Variants in GMDS observed in about 807,000 individuals in gnomAD.
GMDS encodes GDP-mannose 4,6-dehydratase, also known as GDP-mannose 4,6 dehydratase.
In GMDS, 20 loss-of-function variants were observed where a neutral mutation model predicts 49.9. The observed-to-expected ratio is 0.40, with a 90% CI of 0.28 to 0.58. The LOEUF (loss-of-function observed/expected upper bound fraction) is 0.58, where lower values mean the gene tolerates loss of function less well. Ranked by LOEUF, GMDS falls within the 20% of genes least tolerant of loss-of-function variation. The probability of loss-of-function intolerance (pLI) is 0.42; values close to 1 mark genes in which losing one functional copy is unlikely to be tolerated. For missense variants in GMDS, 362 were observed against 481.4 expected (o/e 0.75, Z 2.32); for synonymous variants, 177 against 178.6 (o/e 0.99, Z 0.07).
At chr6:1,935,074 C>T (rs1762461942) in intron 6 of GMDS, among the ~76,000 whole-genome samples, 2 of 152,198 alleles carry the variant, frequency 1.3e-5, no homozygotes, top group Non-Finnish European at 2.9e-5. Flanking sequence ...CTATAATTAA[C>T]TTAAATACAT....
chr6:2,082,178 G>A (rs116282513), intron 4 of GMDS, among the ~76,000 whole-genome samples: 1,934 of 152,076 alleles, frequency 0.013, 45 homozygotes, highest in African/African-American at 0.044. Flanking sequence ...ACACGTGTGC[G>A]CACACACACA....
chr6:2,169,559 G>A (rs1777837671), intron 1 of GMDS, among the ~76,000 whole-genome samples: 1 of 142,640 alleles, frequency 7.0e-6, no homozygotes, highest in Non-Finnish European at 1.5e-5. Context: ...AGTGAGCTGA[G>A]ATCACATCAC....
chr6:2,243,315 C>A (rs918229394), intron 1 of GMDS, among the ~76,000 whole-genome samples: 4 of 152,120 alleles, frequency 2.6e-5, no homozygotes, highest in African/African-American at 9.7e-5. Flanking sequence ...TCAGTTCCAG[C>A]CAAATGACTG....
At chr6:1,645,092 C>T (rs1478699325) in intron 9 of GMDS, among the ~76,000 whole-genome samples, 3 of 152,074 alleles carry the variant, frequency 2.0e-5, no homozygotes, top group South Asian at 2.1e-4. Context: ...TGTGCCACCA[C>T]GCCCAGCTAA....
chr6:1,919,721 C>T (rs1761620311), intron 7 of GMDS, among the ~76,000 whole-genome samples: 1 of 152,162 alleles, frequency 6.6e-6, no homozygotes, highest in East Asian at 1.9e-4. Flanking sequence ...AGAGTAGAAG[C>T]ACATGGAACC....
At chr6:1,708,480 G>A (rs934100328) in intron 9 of GMDS, among the ~76,000 whole-genome samples, 10 of 152,212 alleles carry the variant, frequency 6.6e-5, no homozygotes, top group Admixed American at 2.6e-4. Flanking sequence ...TGAACTGCCC[G>A]GGGCTAAGTC....
chr6:2,163,955 G>A (rs753517223), intron 1 of GMDS, among the ~76,000 whole-genome samples: 7 of 152,328 alleles, frequency 4.6e-5, no homozygotes, highest in East Asian at 3.9e-4. Context: ...GGACCCTCCC[G>A]TGGTGGGCAA....
At chr6:1,633,515 C>T (rs544840224) in intron 9 of GMDS, among the ~76,000 whole-genome samples, 17 of 152,100 alleles carry the variant, frequency 1.1e-4, no homozygotes, top group African/African-American at 3.6e-4. Flanking sequence ...TGCGAGGGAG[C>T]GACTGCAGAG....
chr6:1,722,799 G>A (rs1239513907), intron 9 of GMDS, among the ~76,000 whole-genome samples: 1 of 152,196 alleles, frequency 6.6e-6, no homozygotes, highest in Non-Finnish European at 1.5e-5. Flanking sequence ...CAATAAATCT[G>A]TGCATCAGTG....
chr6:1,863,624 CTTCTT>C (rs1758300975), intron 7 of GMDS, among the ~76,000 whole-genome samples: 1 of 152,146 alleles, frequency 6.6e-6, no homozygotes, highest in African/African-American at 2.4e-5. Context: ...GTCCCACAAG[CTTCTT>C]TTAAGTCTTA....
intron 4 of GMDS, among the ~76,000 whole-genome samples, chr6:2,070,267 G>T (rs1182769433): frequency 7.9e-6 from 1 of 126,568 alleles, no homozygotes; most frequent in Non-Finnish European, 1.6e-5. Context: ...GGGGCCTGTT[G>T]TGGGGTGGGG....
chr6:2,074,671 A>T (rs886088246), intron 4 of GMDS, among the ~76,000 whole-genome samples: 3 of 152,086 alleles, frequency 2.0e-5, no homozygotes, highest in Non-Finnish European at 4.4e-5. Context: ...TAAAAAATTA[A>T]TTATTTATTT....
intron 9 of GMDS, among the ~76,000 whole-genome samples, chr6:1,697,928 T>G (rs1437639672): frequency 6.6e-6 from 1 of 152,226 alleles, no homozygotes; most frequent in Non-Finnish European, 1.5e-5. Context: ...GGGAATCCAG[T>G]ATGGCTGCGG....
chr6:2,090,771 T>C (rs552460923), intron 4 of GMDS, among the ~76,000 whole-genome samples: 2 of 152,340 alleles, frequency 1.3e-5, no homozygotes, highest in South Asian at 4.1e-4. Context: ...GTGGAATATA[T>C]GCTTTAGAGT....
At chr6:1,713,338 T>A (rs1294368624) in intron 9 of GMDS, among the ~76,000 whole-genome samples, 1 of 152,224 alleles carries the variant, frequency 6.6e-6, no homozygotes, top group African/African-American at 2.4e-5. Context: ...GAGTTGGTGG[T>A]TGCTCAGCAC....
chr6:1,707,997 C>T (rs1207224980), intron 9 of GMDS, among the ~76,000 whole-genome samples: 2 of 152,188 alleles, frequency 1.3e-5, no homozygotes, highest in Non-Finnish European at 2.9e-5. Context: ...TTACTATTCA[C>T]ATGCGTTATT....
chr6:1,873,018 ACT>A (rs1271736065), intron 7 of GMDS, among the ~76,000 whole-genome samples: 1 of 151,944 alleles, frequency 6.6e-6, no homozygotes, highest in Non-Finnish European at 1.5e-5. Flanking sequence ...TGAAATCCCC[ACT>A]CTTTCGTCAG....
intron 9 of GMDS, among the ~76,000 whole-genome samples, chr6:1,683,268 C>G (rs776608865): frequency 6.6e-6 from 1 of 152,176 alleles, no homozygotes; most frequent in Non-Finnish European, 1.5e-5. Flanking sequence ...GGACTACAGG[C>G]GCCCGCCACC....
intron 1 of GMDS, among the ~76,000 whole-genome samples, chr6:2,206,272 G>A (rs2127579819): frequency 1.3e-5 from 2 of 151,568 alleles, no homozygotes; most frequent in East Asian, 3.9e-4. Context: ...AAAAAAAAAA[G>A]CCCGGACATC....
Sources: allele counts gnomAD v4.1 joint callset (sites outside exome capture counted in the v4.1 genomes callset), GRCh38; gene constraint gnomAD v4.1.1; transcripts MANE v1.5; gene names NCBI Gene and HGNC (gene_info 2026-07-23, HGNC 2026-07-21).